The following NCOA1 variants were observed in gnomAD, a reference collection of about 807,000 sequenced individuals.
NCOA1 encodes Hin-2 protein.
NCOA1 carries 35 observed loss-of-function variants against 150.9 expected under a neutral mutation model. The ratio of observed to expected loss-of-function variants is 0.23; its 90% CI spans 0.18 to 0.31. The LOEUF (loss-of-function observed/expected upper bound fraction) is 0.31, where lower values mean the gene tolerates loss of function less well. NCOA1 is among the 10% of genes least tolerant of loss of function. NCOA1 has a pLI of 1.00. For synonymous variants in NCOA1, 590 were observed against 630.0 expected (o/e 0.94, Z 0.95); for missense variants, 1,491 against 1,749.3 (o/e 0.85, Z 2.63).
intron 3 of NCOA1, among the ~76,000 whole-genome samples, chr2:24,608,248 ATTATT>A (rs1668459071): frequency 4.4e-5 from 1 of 22,900 alleles, no homozygotes; most frequent in Non-Finnish European, 8.9e-5. Context: ...CAGTTCCCCT[ATTATT>A]ATTATTATTA....
At chr2:24,506,635 A>C (rs1174898298) in intron 1 of NCOA1, among the ~76,000 whole-genome samples, 1 of 152,164 alleles carries the variant, frequency 6.6e-6, no homozygotes, top group African/African-American at 2.4e-5. Context: ...AATTATCATA[A>C]GAGAATACTC....
intron 18 of NCOA1, among the ~76,000 whole-genome samples, chr2:24,741,038 T>C (rs1485807002): frequency 6.6e-6 from 1 of 152,180 alleles, no homozygotes; most frequent in African/African-American, 2.4e-5. Context: ...TAATACAAAA[T>C]AGCTGTTTCC....
intron 3 of NCOA1, among the ~76,000 whole-genome samples, chr2:24,602,995 T>G (rs1354596713): frequency 1.3e-5 from 2 of 152,204 alleles, no homozygotes; most frequent in Non-Finnish European, 2.9e-5. Flanking sequence ...ATCCACTTAT[T>G]TTATCAAACT....
At chr2:24,594,548 C>T (rs980139520) in intron 3 of NCOA1, among the ~76,000 whole-genome samples, 1 of 152,042 alleles carries the variant, frequency 6.6e-6, no homozygotes. Flanking sequence ...AAAAGATGTA[C>T]ATCAGAAACT....
At chr2:24,548,634 G>A (rs1432743838) in intron 1 of NCOA1, among the ~76,000 whole-genome samples, 2 of 152,182 alleles carry the variant, frequency 1.3e-5, no homozygotes, top group Non-Finnish European at 2.9e-5. Flanking sequence ...GATACTTGGG[G>A]GTACAGGCAT....
At chr2:24,535,857 A>C (rs1665112181) in intron 1 of NCOA1, among the ~76,000 whole-genome samples, 1 of 152,110 alleles carries the variant, frequency 6.6e-6, no homozygotes, top group Admixed American at 6.5e-5. Flanking sequence ...GGGTAGCCCG[A>C]CCTTTCTCTT....
At chr2:24,703,781 T>C (rs1363284172) in intron 11 of NCOA1, among the ~76,000 whole-genome samples, 1 of 152,166 alleles carries the variant, frequency 6.6e-6, no homozygotes, top group Non-Finnish European at 1.5e-5. Context: ...CTTCAAAAAT[T>C]ATTTATTAAT....
intron 1 of NCOA1, among the ~76,000 whole-genome samples, chr2:24,509,066 G>A (rs1294674818): frequency 6.6e-6 from 1 of 152,172 alleles, no homozygotes; most frequent in Non-Finnish European, 1.5e-5. Flanking sequence ...TGGCTCCTCT[G>A]TGTAGGAGCT....
At chr2:24,576,262 C>G (rs919841206) in intron 2 of NCOA1, among the ~76,000 whole-genome samples, 1 of 145,926 alleles carries the variant, frequency 6.9e-6, no homozygotes, top group Admixed American at 7.0e-5. Context: ...CTCCTAACAG[C>G]TTGTGGGAAC....
intron 3 of NCOA1, among the ~76,000 whole-genome samples, chr2:24,623,407 AT>A (rs1172363041): frequency 6.6e-6 from 1 of 152,100 alleles, no homozygotes; most frequent in African/African-American, 2.4e-5. Context: ...TTATCAGGGA[AT>A]TTATCTTCTT....
At chr2:24,567,797 A>G (rs62142284) in intron 2 of NCOA1, among the ~76,000 whole-genome samples, 22,607 of 152,110 alleles carry the variant, frequency 0.15, 2,036 homozygotes, top group Non-Finnish European at 0.2. Flanking sequence ...TGCCCAGGCT[A>G]GAGTGTGTGG....
intron 1 of NCOA1, among the ~76,000 whole-genome samples, chr2:24,529,465 C>A (rs900978510): frequency 2.0e-5 from 3 of 152,168 alleles, no homozygotes; most frequent in Non-Finnish European, 2.9e-5. Context: ...GTAGCTAGGA[C>A]TACAGGTGTG....
At chr2:24,695,423 T>A (rs888002510) in intron 10 of NCOA1, among the ~76,000 whole-genome samples, 2 of 152,144 alleles carry the variant, frequency 1.3e-5, no homozygotes, top group Non-Finnish European at 1.5e-5. Context: ...AGCCCTTTCT[T>A]GTATTACATT....
chr2:24,666,775 A>G (rs543988295), intron 6 of NCOA1, among the ~76,000 whole-genome samples: 1 of 152,062 alleles, frequency 6.6e-6, no homozygotes, highest in South Asian at 2.1e-4. Flanking sequence ...TGGGATTACA[A>G]GTGCGCGCCA....
At chr2:24,528,920 A>T (rs1055209075) in intron 1 of NCOA1, among the ~76,000 whole-genome samples, 1 of 151,352 alleles carries the variant, frequency 6.6e-6, no homozygotes, top group Admixed American at 6.6e-5. Context: ...AGTCTCTCAC[A>T]TTCTTGCCCA....
intron 2 of NCOA1, among the ~76,000 whole-genome samples, chr2:24,569,864 C>T (rs1211183283): frequency 2.1e-5 from 3 of 144,518 alleles, no homozygotes; most frequent in South Asian, 4.3e-4. Flanking sequence ...AGTGATACTC[C>T]GTCTGAAAAA....
At chr2:24,534,198 C>T (rs1190940890) in intron 1 of NCOA1, among the ~76,000 whole-genome samples, 2 of 152,082 alleles carry the variant, frequency 1.3e-5, no homozygotes, top group East Asian at 1.9e-4. Flanking sequence ...AGGAATTTAT[C>T]CATTTCTTCT....
chr2:24,557,720 A>G (rs1466713810), intron 1 of NCOA1, among the ~76,000 whole-genome samples: 3 of 152,104 alleles, frequency 2.0e-5, no homozygotes, highest in South Asian at 2.1e-4. Flanking sequence ...ATTGAATTCT[A>G]TACATAGAAC....
chr2:24,720,320 A>ATG (rs1674293809), intron 14 of NCOA1, among the ~76,000 whole-genome samples: 1 of 152,200 alleles, frequency 6.6e-6, no homozygotes, highest in African/African-American at 2.4e-5. Context: ...TTATAAAATT[A>ATG]TGTGTGTGTG....
Sources: gnomAD v4.1 joint callset for allele counts (sites outside exome capture counted in the v4.1 genomes callset) on GRCh38, gnomAD v4.1.1 for gene constraint, MANE v1.5 for transcripts, NCBI Gene and HGNC (gene_info 2026-07-23, HGNC 2026-07-21) for gene names.